The following ZBTB7C variants were observed in gnomAD, a reference collection of about 807,000 sequenced individuals.
ZBTB7C encodes the protein zinc finger and BTB domain-containing protein 7C.
ZBTB7C carries 8 observed loss-of-function variants against 25.7 expected under a neutral mutation model. The ratio of observed to expected loss-of-function variants is 0.31; its 90% CI spans 0.18 to 0.56. The LOEUF is 0.56. Among genes scored for constraint, ZBTB7C ranks in the 20% least tolerant of loss-of-function variants. ZBTB7C has a pLI of 0.91. For synonymous variants in ZBTB7C, 394 were observed against 369.0 expected (o/e 1.07, Z -0.78); for missense variants, 824 against 855.2 (o/e 0.96, Z 0.46).
intron 1 of ZBTB7C, among the ~76,000 whole-genome samples, chr18:48,402,287 T>A (rs879747022): frequency 6.6e-6 from 1 of 151,920 alleles, no homozygotes; most frequent in Non-Finnish European, 1.5e-5. Flanking sequence ...AAAGGTTACT[T>A]AATGGGGACT....
At chr18:48,283,209 T>C (rs1433185136) in intron 2 of ZBTB7C, among the ~76,000 whole-genome samples, 6 of 152,180 alleles carry the variant, frequency 3.9e-5, no homozygotes, top group Admixed American at 3.9e-4. Flanking sequence ...ATAATGAGGG[T>C]GCAGTGGTAC....
chr18:48,320,889 CT>C (rs1280319648), intron 2 of ZBTB7C, among the ~76,000 whole-genome samples: 1 of 152,258 alleles, frequency 6.6e-6, no homozygotes, highest in African/African-American at 2.4e-5. Context: ...GCTGACTATC[CT>C]TCCCCACCCA....
chr18:48,408,014 T>C (rs558200237), intron 1 of ZBTB7C, among the ~76,000 whole-genome samples: 3 of 152,254 alleles, frequency 2.0e-5, no homozygotes, highest in Admixed American at 6.5e-5. Flanking sequence ...GGGCACAGTA[T>C]ATCTTCTTTT....
intron 2 of ZBTB7C, among the ~76,000 whole-genome samples, chr18:48,217,734 T>A (rs531254945): frequency 4.2e-4 from 64 of 152,240 alleles, no homozygotes; most frequent in African/African-American, 1.4e-3. Flanking sequence ...GCCCTATCAC[T>A]AGGCCGTGTC....
At chr18:48,164,759 G>T (rs142189528) in intron 3 of ZBTB7C, among the ~76,000 whole-genome samples, 7 of 152,062 alleles carry the variant, frequency 4.6e-5, no homozygotes, top group Non-Finnish European at 8.8e-5. Context: ...CTTAACCACT[G>T]TAAGTGCTGT....
intron 2 of ZBTB7C, among the ~76,000 whole-genome samples, chr18:48,328,223 T>C (rs1157179622): frequency 6.6e-6 from 1 of 150,812 alleles, no homozygotes; most frequent in Non-Finnish European, 1.5e-5. Flanking sequence ...AAACACAAGC[T>C]GAAGAACATA....
chr18:48,347,613 A>ATGG (rs2046772159), intron 1 of ZBTB7C, among the ~76,000 whole-genome samples: 1 of 152,024 alleles, frequency 6.6e-6, no homozygotes, highest in African/African-American at 2.4e-5. Context: ...TTCACATGCT[A>ATGG]TGGGGTGGGC....
At chr18:48,184,819 TTCTCTC>T (rs34659373) in intron 3 of ZBTB7C, among the ~76,000 whole-genome samples, 29 of 147,886 alleles carry the variant, frequency 2.0e-4, no homozygotes, top group African/African-American at 4.7e-4. Flanking sequence ...GTGGAGAATT[TTCTCTC>T]TCTCTCTCTC....
At chr18:48,403,153 C>A (rs2048200104) in intron 1 of ZBTB7C, among the ~76,000 whole-genome samples, 1 of 152,192 alleles carries the variant, frequency 6.6e-6, no homozygotes, top group Admixed American at 6.5e-5. Context: ...CCAAGGATGG[C>A]AGTATGCTTG....
chr18:48,135,918 C>A (rs1403722746), intron 3 of ZBTB7C, among the ~76,000 whole-genome samples: 2 of 152,234 alleles, frequency 1.3e-5, no homozygotes, highest in Non-Finnish European at 2.9e-5. Context: ...AAGCTGGGTA[C>A]CAGCTATTAA....
intron 3 of ZBTB7C, among the ~76,000 whole-genome samples, chr18:48,074,123 C>A (rs1243905728): frequency 6.6e-6 from 1 of 151,890 alleles, no homozygotes; most frequent in Non-Finnish European, 1.5e-5. Flanking sequence ...AAGCAATTCT[C>A]CTGTCTCAGC....
chr18:48,298,566 G>C (rs1389697005), intron 2 of ZBTB7C, among the ~76,000 whole-genome samples: 1 of 152,144 alleles, frequency 6.6e-6, no homozygotes, highest in Non-Finnish European at 1.5e-5. Context: ...CCTGTTGATG[G>C]CCCAGACCAA....
At chr18:48,401,047 A>G (rs2145311639) in intron 1 of ZBTB7C, among the ~76,000 whole-genome samples, 1 of 152,296 alleles carries the variant, frequency 6.6e-6, no homozygotes, top group African/African-American at 2.4e-5. Context: ...TAACAAGTGC[A>G]TCTCTCCTTC....
intron 2 of ZBTB7C, among the ~76,000 whole-genome samples, chr18:48,280,392 AC>A (rs1598767635): frequency 1.3e-5 from 2 of 152,238 alleles, no homozygotes; most frequent in East Asian, 1.9e-4. Context: ...GTTTCTAAAA[AC>A]ATTGCTTCCC....
chr18:48,141,531 T>A (rs2040348305), intron 3 of ZBTB7C, among the ~76,000 whole-genome samples: 1 of 152,014 alleles, frequency 6.6e-6, no homozygotes, highest in Non-Finnish European at 1.5e-5. Context: ...CTTGATGAAA[T>A]TCTTCCATTG....
Position 48,048,007 on chromosome 18 carries a change from C to T in ZBTB7C, c.-16-6884G>A, listed in dbSNP as rs61545654. On this transcript the variant is annotated intron_variant, in intron 3 of 4. Coordinates refer to ENST00000590800, the MANE Select transcript of ZBTB7C (RefSeq NM_001318841.2). Reference sequence around the variant, plus strand: ...AAAGCTCATATTTGTTCCCCTTCACCATGCTGCCCCCTGGGAAGTCCAATT... The same window carrying T: ...AAAGCTCATATTTGTTCCCCTTCACTATGCTGCCCCCTGGGAAGTCCAATT... Among the ~76,000 whole-genome samples the T allele has an allele frequency of 1.6e-4, 25 of 152,320 alleles. No individual in the cohort carries two copies. The East Asian group carries it at 2.5e-3, about 15-fold the overall frequency.
intron 3 of ZBTB7C, among the ~76,000 whole-genome samples, chr18:48,160,935 GT>G (rs59824886): frequency 0.19 from 25,575 of 136,786 alleles, 2,773 homozygotes; most frequent in African/African-American, 0.31. Flanking sequence ...TTTGAGACAA[GT>G]TTTTTTTTTT....
rs1467155310 is a variant in ZBTB7C at position 48,040,387 on chromosome 18, T to C, written c.721A>G (p.Ile241Val). ...LRENLYPKANIPDRRPSLSPF... is the reference protein window; with the variant it reads ...LRENLYPKANVPDRRPSLSPF... ...GACAAGGAGGGTCTCCTGTCGGGGA[T>C]GTTGGCCTTGGGGTACAGGTTCTCC... The change falls in exon 4 of 5, where the codon ATC (isoleucine) becomes GTC (valine). Residue 241 changes from isoleucine (I) to valine (V), a missense_variant. Ile to Val is a conservative substitution (Grantham distance 29). This residue lies in a region of ZBTB7C where 316 missense variants were observed against 299.2 expected (regional missense o/e 1.06). Coordinates refer to ENST00000590800, the MANE Select transcript of ZBTB7C (RefSeq NM_001318841.2). 5.0e-6 allele frequency: 8 copies of C among 1,612,066 alleles called. No homozygotes were observed. Among genetic ancestry groups the C allele is most frequent in the East Asian group, 4.5e-5 (2 of 44,850 alleles).
At chr18:48,183,601 G>A (rs2145117685) in intron 3 of ZBTB7C, among the ~76,000 whole-genome samples, 1 of 152,300 alleles carries the variant, frequency 6.6e-6, no homozygotes, top group African/African-American at 2.4e-5. Context: ...ATGACATTTG[G>A]CTGTCTTGAC....
Sources: gnomAD v4.1 joint callset for allele counts (sites outside exome capture counted in the v4.1 genomes callset) on GRCh38, gnomAD v4.1.1 for gene constraint, gnomAD v4.1.1 regional missense constraint, MANE v1.5 for transcripts, NCBI Gene and HGNC (gene_info 2026-07-23, HGNC 2026-07-21) for gene names.